The following AP2A2 variants were observed in gnomAD, a reference collection of about 807,000 sequenced individuals.
The protein encoded by AP2A2 is AP-2 complex subunit alpha-2.
AP2A2 carries 32 observed loss-of-function variants against 104.2 expected under a neutral mutation model. The ratio of observed to expected loss-of-function variants is 0.31; its 90% CI spans 0.23 to 0.41. The LOEUF (loss-of-function observed/expected upper bound fraction) is 0.41. Ranked by LOEUF, AP2A2 falls within the 10% of genes least tolerant of loss-of-function variation. The pLI, the probability that AP2A2 is intolerant of heterozygous loss-of-function variation, is 1.00. For missense variants in AP2A2, 912 were observed against 1,261.0 expected (o/e 0.72, Z 4.19); for synonymous variants, 539 against 533.3 (o/e 1.01, Z -0.15).
chr11:1,008,188 T>C, intron 18 of AP2A2, 53 bp downstream of exon 18: 1 of 1,535,378 alleles, frequency 6.5e-7, no homozygotes, highest in Admixed American at 1.9e-5. Context: ...GCCTGAGCTG[T>C]GTGCCTGGGC....
At chr11:980,614 T>A (rs1855203809) in intron 5 of AP2A2, among the ~76,000 whole-genome samples, 1 of 152,192 alleles carries the variant, frequency 6.6e-6, no homozygotes, top group South Asian at 2.1e-4. Flanking sequence ...GAATCTGTTC[T>A]CACTGAGGGC....
At chr11:1,008,892 G>GTA (rs1265640862) in intron 18 of AP2A2, 2 of 584,306 alleles carry the variant, frequency 3.4e-6, no homozygotes, top group Admixed American at 6.2e-5. Flanking sequence ...TCCTGCCTGA[G>GTA]TATGCGGCCC....
intron 1 of AP2A2, among the ~76,000 whole-genome samples, chr11:947,987 AAC>A (rs2134510594): frequency 6.6e-6 from 1 of 152,286 alleles, no homozygotes; most frequent in African/African-American, 2.4e-5. Context: ...TGCAAATAAA[AAC>A]ACAGCATTCC....
intron 1 of AP2A2, among the ~76,000 whole-genome samples, chr11:949,994 A>G (rs1853991819): frequency 6.6e-6 from 1 of 152,212 alleles, no homozygotes; most frequent in Non-Finnish European, 1.5e-5. Flanking sequence ...AATGATTAAG[A>G]TAGTATAATA....
At position 1,008,504 on chromosome 11, in the gene AP2A2, G is replaced by C. The variant is rs1590024764; in HGVS notation, c.2420+369G>C. 1.2e-5 allele frequency: 3 copies of C among 241,868 alleles called. No individual in the cohort carries two copies. The East Asian group carries it at 2.8e-4, about 22-fold the overall frequency. The allele number at this position is 241,868 out of a possible 1,614,324, so 15.0% of individuals were successfully genotyped here. Reference sequence around the variant, plus strand: ...GGCAGCTGGTTTCCTTCGGCCCCCTGGCCTGGGGGGCGCGTTTTTTGCTCA... The same window carrying C: ...GGCAGCTGGTTTCCTTCGGCCCCCTCGCCTGGGGGGCGCGTTTTTTGCTCA... On this transcript the variant is annotated intron_variant, in intron 18 of 21. Coordinates refer to ENST00000448903, the MANE Select transcript of AP2A2 (RefSeq NM_012305.4).
chr11:985,809 G>A (rs1275414074), intron 8 of AP2A2, among the ~76,000 whole-genome samples: 1 of 152,174 alleles, frequency 6.6e-6, no homozygotes, highest in Non-Finnish European at 1.5e-5. Flanking sequence ...CATCCCACAC[G>A]AGGGCCTTTT....
chr11:995,557 G>T (rs576625626), intron 14 of AP2A2, among the ~76,000 whole-genome samples: 1 of 151,764 alleles, frequency 6.6e-6, no homozygotes, highest in Admixed American at 6.6e-5. Context: ...GGTGGTGCCT[G>T]CCCTGGCAGT....
Position 972,264 on chromosome 11 carries a change from C to T in AP2A2, c.473+9C>T, listed in dbSNP as rs539232320. On this transcript the variant is annotated intron_variant, in intron 4 of 21. Coordinates refer to ENST00000448903, the MANE Select transcript of AP2A2 (RefSeq NM_012305.4). ...AAGGTCCTCGTAGCCGGGTATGTGC[C>T]GGGCTCGTGCCGGGCTCCTGCTGAA... 117 of 1,577,402 alleles carry T rather than the reference C, an allele frequency of 7.4e-5. 1 individual carries two copies. The Middle Eastern group carries it at 1.8e-3, about 25-fold the overall frequency.
chr11:976,011 G>A (rs1383178297), intron 4 of AP2A2, among the ~76,000 whole-genome samples: 1 of 152,208 alleles, frequency 6.6e-6, no homozygotes, highest in African/African-American at 2.4e-5. Context: ...CCACAAGCAT[G>A]GAACCTGGTT....
intron 5 of AP2A2, among the ~76,000 whole-genome samples, chr11:980,826 C>T (rs1855212622): frequency 6.6e-6 from 1 of 152,218 alleles, no homozygotes; most frequent in African/African-American, 2.4e-5. Flanking sequence ...AGTGAACATG[C>T]GTTATTAAAC....
At chr11:1,005,164 AGAAAGGAAT>A (rs1259725523) in intron 16 of AP2A2, among the ~76,000 whole-genome samples, 2 of 152,270 alleles carry the variant, frequency 1.3e-5, no homozygotes, top group African/African-American at 4.8e-5. Flanking sequence ...ATCAAACGGC[AGAAAGGAAT>A]GAAATTCTGA....
rs1128419 is a variant in AP2A2 at position 1,010,750 on chromosome 11, G to A, written c.*125G>A. ...ACAGCACAAGGCGCCTCCCCGCCCC[G>A]CCGCCCCACACCTCTCCCCTTTGGG... On this transcript the variant is annotated 3_prime_UTR_variant, in exon 22 of 22. Transcript: ENST00000448903. The A allele has an allele frequency of 0.51, 404,145 of 794,230 alleles. 106,769 individuals carry two copies. Among genetic ancestry groups the A allele is most frequent in the Admixed American group, 0.66 (32,860 of 50,100 alleles). 49.2% of individuals were successfully genotyped at this position (794,230 alleles called of 1,614,324 possible).
chr11:998,916 T>G (rs543348890), intron 14 of AP2A2, among the ~76,000 whole-genome samples: 2 of 152,198 alleles, frequency 1.3e-5, no homozygotes, highest in South Asian at 4.2e-4. Context: ...ATGGTCTCAA[T>G]CTTCTGACCT....
chr11:988,584 C>G lies in AP2A2; in HGVS notation c.1164C>G (p.Ala388=). Residue 388 remains alanine, a synonymous_variant, in exon 10 of 22, where the codon GCC becomes GCG. Transcript: ENST00000448903. ...GGGACGTGAGCGTGCGGCAGCGGGC[C>G]GTGGACCTCCTCTACGCCATGTGCG... The part of the protein sequence containing the change: ...TERDVSVRQR[A]VDLLYAMCDR... The G allele has an allele frequency of 6.2e-7, 1 of 1,612,928 alleles. No individual in the cohort carries two copies. Among genetic ancestry groups the G allele is most frequent in the East Asian group, 2.2e-5 (1 of 44,884 alleles).
At chr11:977,636 G>A (rs893047413) in intron 5 of AP2A2, among the ~76,000 whole-genome samples, 10 of 151,724 alleles carry the variant, frequency 6.6e-5, no homozygotes, top group African/African-American at 2.4e-4. Context: ...CAAGGGTGGA[G>A]GTTTCCAGCG....
intron 1 of AP2A2, among the ~76,000 whole-genome samples, chr11:927,839 A>AAG (rs1565221561): frequency 6.6e-6 from 1 of 151,374 alleles, no homozygotes; most frequent in East Asian, 1.9e-4. Flanking sequence ...AAAAAAAAAA[A>AAG]AGGCTTAGAA....
intron 6 of AP2A2, 110 bp downstream of exon 6, chr11:981,409 A>T (rs969239706): frequency 4.2e-6 from 4 of 958,880 alleles, no homozygotes; most frequent in African/African-American, 3.3e-5. Context: ...AAATTCAGGG[A>T]TGAAAACCAA....
At chr11:932,827 A>G (rs955993944) in intron 1 of AP2A2, 8 of 444,642 alleles carry the variant, frequency 1.8e-5, no homozygotes, top group African/African-American at 1.2e-4. Flanking sequence ...GGTGGTGAAC[A>G]TATTTTGTGC....
chr11:939,068 A>G (rs1330443468), intron 1 of AP2A2, among the ~76,000 whole-genome samples: 2 of 151,766 alleles, frequency 1.3e-5, no homozygotes, highest in African/African-American at 4.8e-5. Context: ...CCTGGCCAAT[A>G]TGAAACCCTG....
Sources: gnomAD v4.1 joint callset for allele counts (sites outside exome capture counted in the v4.1 genomes callset) on GRCh38, gnomAD v4.1.1 for gene constraint, MANE v1.5 for transcripts, NCBI Gene and HGNC (gene_info 2026-07-23, HGNC 2026-07-21) for gene names.